The following KCNQ1 variants were observed in gnomAD, a reference collection of about 807,000 sequenced individuals.
KCNQ1 encodes the protein potassium voltage-gated channel subfamily KQT member 1.
Under a neutral mutation model 72.4 loss-of-function variants are expected in KCNQ1, and 49 were observed. That is an observed-to-expected ratio of 0.68 (90% CI 0.54 to 0.86). KCNQ1 has a LOEUF of 0.86. Ranked by LOEUF, KCNQ1 falls within the 40% of genes least tolerant of loss-of-function variation. The pLI is 0.00. For synonymous variants in KCNQ1, 450 were observed against 412.6 expected (o/e 1.09, Z -1.10); for missense variants, 790 against 945.1 (o/e 0.84, Z 2.15).
intron 15 of KCNQ1, among the ~76,000 whole-genome samples, chr11:2,812,197 C>A (rs11024184): frequency 0.36 from 55,159 of 152,072 alleles, 10,715 homozygotes; most frequent in Non-Finnish European, 0.45. Flanking sequence ...AACAGAAACA[C>A]CCCTGAAACT....
chr11:2,521,786 C>T (rs765503921), intron 1 of KCNQ1, among the ~76,000 whole-genome samples: 2 of 152,262 alleles, frequency 1.3e-5, no homozygotes, highest in Non-Finnish European at 2.9e-5. Flanking sequence ...GGCCAGAGTC[C>T]CGGCACAGCC....
At chr11:2,790,053 T>A (rs1185791082) in intron 15 of KCNQ1, among the ~76,000 whole-genome samples, 2 of 152,116 alleles carry the variant, frequency 1.3e-5, no homozygotes, top group African/African-American at 2.4e-5. Flanking sequence ...TTGGAGGGGA[T>A]CATATCCCTT....
intron 11 of KCNQ1, chr11:2,680,497 A>T (rs978705466): frequency 2.0e-5 from 8 of 398,320 alleles, no homozygotes; most frequent in Non-Finnish European, 3.5e-5. Context: ...GGCATTTTTT[A>T]AAATAAATTT....
intron 11 of KCNQ1, among the ~76,000 whole-genome samples, chr11:2,733,907 C>T (rs560902315): frequency 6.0e-5 from 9 of 150,184 alleles, no homozygotes; most frequent in South Asian, 2.1e-4. Context: ...CCCTGCCAGG[C>T]GCACCACCCC....
intron 15 of KCNQ1, among the ~76,000 whole-genome samples, chr11:2,806,507 GC>G (rs1847377410): frequency 2.0e-5 from 3 of 152,206 alleles, no homozygotes; most frequent in Non-Finnish European, 4.4e-5. Flanking sequence ...TGTAACGCAG[GC>G]TTGCCTCTTC....
Position 2,676,080 on chromosome 11 carries a change from T to C in KCNQ1, c.1514+13999T>C, listed in dbSNP as rs1850288306. The stretch of plus-strand genomic sequence containing the variant: ...CAGACGTATTTTATATAAACAAATA[T>C]ACGTGTGTCTGTGTGTGCATGTACT... On this transcript the variant is annotated intron_variant, in intron 11 of 15. Transcript: ENST00000155840. The surrounding 1 kb of genome is among the most constrained non-coding windows in gnomAD (Gnocchi z 4.2). 1 of 398,662 alleles carries C rather than the reference T, an allele frequency of 2.5e-6. No homozygotes were observed. The highest frequency in any genetic ancestry group is 4.4e-6 in the Non-Finnish European group (1 of 226,064). The allele number at this position is 398,662 out of a possible 1,614,324, so 24.7% of individuals were successfully genotyped here.
intron 1 of KCNQ1, among the ~76,000 whole-genome samples, chr11:2,453,735 C>A (rs552203710): frequency 2.7e-4 from 41 of 152,342 alleles, no homozygotes; most frequent in African/African-American, 9.6e-4. Flanking sequence ...TGTGACCCAG[C>A]AACCCCCTCC....
chr11:2,724,016 A>G lies in KCNQ1; in HGVS notation c.1515-44828A>G, dbSNP rs1845717275. On this transcript the variant is annotated intron_variant, in intron 11 of 15. Coordinates refer to ENST00000155840, the MANE Select transcript of KCNQ1 (RefSeq NM_000218.3). The surrounding 1 kb of genome is among the most constrained non-coding windows in gnomAD (Gnocchi z 6.8). Reference sequence around the variant, plus strand: ...CAGAACATGGCTCTCTGTGTCTGACACAGAGCCCTGTACTCCATCTATGCA... The same window carrying G: ...CAGAACATGGCTCTCTGTGTCTGACGCAGAGCCCTGTACTCCATCTATGCA... Among the ~76,000 whole-genome samples, 1 of 152,058 alleles carries G rather than the reference A, an allele frequency of 6.6e-6. No homozygotes were observed. The highest frequency in any genetic ancestry group is 1.5e-5 in the Non-Finnish European group (1 of 67,972).
chr11:2,741,426 C>G (rs1846048480), intron 11 of KCNQ1, among the ~76,000 whole-genome samples: 1 of 152,130 alleles, frequency 6.6e-6, no homozygotes, highest in East Asian at 1.9e-4. Flanking sequence ...CCTGTGTGCC[C>G]CCTCGGGGCT....
chr11:2,788,272 G>A lies in KCNQ1; in HGVS notation c.1794+10235G>A, dbSNP rs1053731802. On this transcript the variant is annotated intron_variant, in intron 15 of 15. Transcript: ENST00000155840. ...CAGAGCTCATGACCCACGCCTCCCC[G>A]AGGTCCCTAAGGAATGTCCGCTTGG... Among the ~76,000 whole-genome samples, 51 of 152,048 alleles carry A rather than the reference G, an allele frequency of 3.4e-4. 1 individual carries two copies. The highest frequency in any genetic ancestry group is 5.7e-4 in the Non-Finnish European group (39 of 67,998).
intron 2 of KCNQ1, among the ~76,000 whole-genome samples, chr11:2,570,350 T>C (rs965989650): frequency 9.2e-5 from 14 of 152,236 alleles, no homozygotes; most frequent in Non-Finnish European, 2.1e-4. Context: ...AGGCTGGGGT[T>C]CCTGGTGTGG....
intron 1 of KCNQ1, among the ~76,000 whole-genome samples, chr11:2,466,292 C>T (rs368521922): frequency 1.9e-4 from 29 of 152,270 alleles, no homozygotes; most frequent in East Asian, 1.5e-3. Flanking sequence ...GGCTGAGCCC[C>T]GCCTGATGGG....
rs1374665727 is a variant in KCNQ1, at chr11:2,478,954, C to CT, written c.386+33470_386+33471insT. Among the ~76,000 whole-genome samples, 1 of 152,198 alleles carries CT rather than the reference C, an allele frequency of 6.6e-6. No homozygotes were observed. Among genetic ancestry groups the CT allele is most frequent in the African/African-American group, 2.4e-5 (1 of 41,448 alleles). On this transcript the variant is annotated intron_variant, in intron 1 of 15. Coordinates refer to ENST00000155840, the MANE Select transcript of KCNQ1 (RefSeq NM_000218.3). This position sits in a 1 kb window ranked among gnomAD's most constrained non-coding sequence, Gnocchi z 4.0. ...TTGAAATGGGAGTAATTGGCCAAAA[C>CT]GAAGGGGCTAAAGGCCCCATGCAAG... is the stretch of plus-strand genomic sequence containing the variant.
intron 11 of KCNQ1, chr11:2,665,796 G>A (rs1850056862): frequency 2.3e-5 from 9 of 398,646 alleles, no homozygotes; most frequent in Non-Finnish European, 2.7e-5. Flanking sequence ...TGCCTAAGAT[G>A]AAGCAAGGAC....
Position 2,588,630 on chromosome 11 carries a change from G to T in KCNQ1, c.1252-83G>T. On this transcript the variant is annotated intron_variant, in intron 9 of 15. Coordinates refer to ENST00000155840, the MANE Select transcript of KCNQ1 (RefSeq NM_000218.3). This position sits in a 1 kb window ranked among gnomAD's most constrained non-coding sequence, Gnocchi z 5.6. The stretch of plus-strand genomic sequence containing the variant: ...ATGTGGCGGGGGCTGGGCTCGGGGC[G>T]GCTGCACAGGCACTCTGGGGCCGGC... 1 of 1,565,904 alleles carries T rather than the reference G, an allele frequency of 6.4e-7. No homozygotes were observed.
Position 2,526,269 on chromosome 11 carries a change from G to A in KCNQ1, c.387-1659G>A, listed in dbSNP as rs1847504198. ...AGGGTGGAGGTGGGCACTGTGGTCA[G>A]GGGGAGATGAGGATGGATGGGCAGG... is the stretch of plus-strand genomic sequence containing the variant. On this transcript the variant is annotated intron_variant, in intron 1 of 15. Transcript: ENST00000155840. This position sits in a 1 kb window ranked among gnomAD's most constrained non-coding sequence, Gnocchi z 6.1. Among the ~76,000 whole-genome samples the A allele has an allele frequency of 6.6e-6, 1 of 152,126 alleles. No homozygotes were observed.
At chr11:2,519,341 C>T (rs1030980289) in intron 1 of KCNQ1, among the ~76,000 whole-genome samples, 11 of 152,216 alleles carry the variant, frequency 7.2e-5, no homozygotes, top group Non-Finnish European at 1.2e-4. Context: ...CACCAGTGGG[C>T]GTGGACGTGA....
In KCNQ1 at chr11:2,445,423, C is replaced by T. The variant is rs1428893288; in HGVS notation, c.325C>T (p.Arg109Cys). The part of the protein sequence containing the change: ...PVLARTHVQG[R>C]VYNFLERPTG... ...GTTGGCGCGCACCCACGTCCAGGGCCGCGTCTACAACTTCCTCGAGCGTCC... is the reference window on the plus strand; with the variant it reads ...GTTGGCGCGCACCCACGTCCAGGGCTGCGTCTACAACTTCCTCGAGCGTCC... Residue 109 changes from arginine (R) to cysteine (C), a missense_variant, in exon 1 of 16, where the codon CGC becomes TGC. Transcript: ENST00000155840. The T allele has an allele frequency of 1.3e-6, 2 of 1,597,856 alleles. No individual in the cohort carries two copies. The highest frequency in any genetic ancestry group is 1.7e-6 in the Non-Finnish European group (2 of 1,179,714).
chr11:2,469,822 C>T (rs920290322), intron 1 of KCNQ1, among the ~76,000 whole-genome samples: 11 of 151,234 alleles, frequency 7.3e-5, no homozygotes, highest in Non-Finnish European at 7.4e-5. Context: ...TACAGGCGCC[C>T]GCCACTGTAT....
Sources: gnomAD v4.1 joint callset for allele counts (sites outside exome capture counted in the v4.1 genomes callset) on GRCh38, gnomAD v4.1.1 for gene constraint, Gnocchi (gnomAD v3.1) non-coding constraint, MANE v1.5 for transcripts, NCBI Gene and HGNC (gene_info 2026-07-23, HGNC 2026-07-21) for gene names.